PCDH11X: variants seen among roughly 807,000 people sequenced by gnomAD.
The protein encoded by PCDH11X is protocadherin-11 X-linked.
A neutral mutation model predicts 53.3 loss-of-function variants in PCDH11X; 18 were observed. That is an observed-to-expected ratio of 0.34 (90% CI 0.23 to 0.50). The LOEUF (loss-of-function observed/expected upper bound fraction) is 0.50. PCDH11X is among the 20% of genes least tolerant of loss of function. PCDH11X has a pLI of 0.98. For missense variants in PCDH11X, 570 were observed against 1,032.4 expected, an observed-to-expected ratio of 0.55 and a Z score of 6.14; for synonymous variants, 279 against 393.3, an observed-to-expected ratio of 0.71 and a Z score of 3.44.
intron 6 of PCDH11X, among the ~76,000 whole-genome samples, chrX:92,090,619 G>A (rs1443619071): frequency 9.0e-6 from 1 of 110,757 alleles, no homozygotes; most frequent in Non-Finnish European, 1.9e-5. Context: ...AGGCCTTCAG[G>A]TTTTACAGAA....
intron 10 of PCDH11X, among the ~76,000 whole-genome samples, chrX:92,482,789 T>C (rs2073537501): frequency 9.2e-6 from 1 of 109,236 alleles, no homozygotes; most frequent in Non-Finnish European, 1.9e-5. Flanking sequence ...TTGGGAACAT[T>C]CTTCCTTTAC....
intron 10 of PCDH11X, among the ~76,000 whole-genome samples, chrX:92,552,994 C>T (rs4486371): frequency 2.2e-5 from 2 of 88,906 alleles, no homozygotes; most frequent in South Asian, 6.2e-4. Flanking sequence ...CTGCAATTTT[C>T]GTGTGTGTGT....
intron 9 of PCDH11X, among the ~76,000 whole-genome samples, chrX:92,463,841 G>A (rs7063157): frequency 0.025 from 2,782 of 110,211 alleles, 74 homozygotes; most frequent in East Asian, 0.088. Context: ...TGAAGAATAG[G>A]AAAAATGAGT....
chrX:92,221,278 A>ACACACACACACACAC (rs2066870176), intron 7 of PCDH11X, among the ~76,000 whole-genome samples: 1 of 88,037 alleles, frequency 1.1e-5, no homozygotes, highest in East Asian at 3.7e-4. Context: ...CATTGTATAC[A>ACACACACACACACAC]ACACACACAC....
intron 5 of PCDH11X, among the ~76,000 whole-genome samples, chrX:91,869,833 T>C (rs1046887310): frequency 3.6e-5 from 4 of 111,884 alleles, no homozygotes; most frequent in Non-Finnish European, 7.5e-5. Context: ...TTGCAGTTTT[T>C]AGAATCTGAA....
intron 6 of PCDH11X, among the ~76,000 whole-genome samples, chrX:91,974,918 A>ATTTTTTAGT (rs2062025486): frequency 1.8e-5 from 2 of 109,439 alleles, no homozygotes; most frequent in African/African-American, 6.7e-5. Context: ...ATGCCCGGCT[A>ATTTTTTAGT]ATTTTGTATT....
At chrX:92,216,779 A>T (rs1448925794) in intron 7 of PCDH11X, among the ~76,000 whole-genome samples, 1 of 95,752 alleles carries the variant, frequency 1.0e-5, no homozygotes, top group Non-Finnish European at 2.1e-5. Context: ...AATGAAGGAA[A>T]AAATGTTAAG....
At chrX:91,839,904 A>G (rs1249099517) in intron 5 of PCDH11X, among the ~76,000 whole-genome samples, 1 of 111,879 alleles carries the variant, frequency 8.9e-6, no homozygotes, top group African/African-American at 3.2e-5. Context: ...CTATATACAT[A>G]TAGCTATTTA....
At chrX:91,850,865 T>G (rs766013268) in intron 5 of PCDH11X, among the ~76,000 whole-genome samples, 2 of 110,594 alleles carry the variant, frequency 1.8e-5, no homozygotes, top group African/African-American at 6.6e-5. Flanking sequence ...TTAAAAAGAT[T>G]TAAACTAAAA....
At chrX:92,360,440 T>C (rs2070318166) in intron 8 of PCDH11X, among the ~76,000 whole-genome samples, 1 of 110,904 alleles carries the variant, frequency 9.0e-6, no homozygotes. Flanking sequence ...GATAAATAAA[T>C]AGAACATTAT....
chrX:92,507,228 A>G (rs1280944449), intron 10 of PCDH11X, among the ~76,000 whole-genome samples: 2 of 110,354 alleles, frequency 1.8e-5, no homozygotes, highest in Middle Eastern at 4.7e-3. Context: ...CATTCAGTTC[A>G]TCTCTGATTT....
At chrX:92,451,352 T>C (rs1293108363) in intron 9 of PCDH11X, among the ~76,000 whole-genome samples, 1 of 110,026 alleles carries the variant, frequency 9.1e-6, no homozygotes, top group Non-Finnish European at 1.9e-5. Context: ...TTTACCAAAA[T>C]TAAAAAGGCA....
At chrX:92,477,761 G>C (rs2148670291) in intron 10 of PCDH11X, among the ~76,000 whole-genome samples, 1 of 105,531 alleles carries the variant, frequency 9.5e-6, no homozygotes, top group South Asian at 4.5e-4. Context: ...GTATTGCCTG[G>C]GTATTATTGC....
intron 10 of PCDH11X, among the ~76,000 whole-genome samples, chrX:92,509,165 T>A (rs1158854826): frequency 1.9e-5 from 2 of 106,118 alleles, no homozygotes; most frequent in African/African-American, 6.8e-5. Context: ...GAAGTTAAGC[T>A]GCTCTGTCAC....
chrX:92,249,833 G>A (rs970292847), intron 7 of PCDH11X, among the ~76,000 whole-genome samples: 2 of 111,234 alleles, frequency 1.8e-5, no homozygotes, highest in African/African-American at 3.3e-5. Flanking sequence ...TGCAGGATTC[G>A]TAAAAAATCA....
chrX:91,921,183 C>G (rs1941725746), intron 6 of PCDH11X, among the ~76,000 whole-genome samples: 1 of 110,084 alleles, frequency 9.1e-6, no homozygotes, highest in African/African-American at 3.3e-5. Flanking sequence ...GTTTTAGGTT[C>G]ACAGCAAAAA....
rs747351611 is a variant in PCDH11X, at chrX:92,618,934, C to T, written c.4038C>T (p.Pro1346=). ...RGDSPIMEEH[P]L ...ATTCCCCCATTATGGAAGAACATCC[C>T]TTGTAAAGCTAAAATAGTTACTTCA... Residue 1346 remains proline (P), a synonymous_variant, in exon 11 of 11, where the codon CCC becomes CCT. Coordinates refer to ENST00000682573, the MANE Select transcript of PCDH11X (RefSeq NM_032968.5). The T allele has an allele frequency of 1.2e-5, 14 of 1,211,438 alleles. No homozygotes were observed. The South Asian group carries it at 2.5e-4, about 21-fold the overall frequency.
intron 9 of PCDH11X, among the ~76,000 whole-genome samples, chrX:92,467,302 C>G (rs912282488): frequency 4.5e-5 from 5 of 110,986 alleles, no homozygotes; most frequent in African/African-American, 1.6e-4. Flanking sequence ...ACTTTCACCT[C>G]TATTTTTCTA....
At chrX:92,338,204 A>AT (rs1204409157) in intron 8 of PCDH11X, among the ~76,000 whole-genome samples, 1 of 112,207 alleles carries the variant, frequency 8.9e-6, no homozygotes, top group Non-Finnish European at 1.9e-5. Flanking sequence ...ATAGAAGATT[A>AT]TTATTCAAAT....
Sources: allele counts gnomAD v4.1 joint callset (sites outside exome capture counted in the v4.1 genomes callset), GRCh38; gene constraint gnomAD v4.1.1; transcripts MANE v1.5; gene names NCBI Gene and HGNC (gene_info 2026-07-23, HGNC 2026-07-21).